The following ARL13A variants were observed in gnomAD, a reference collection of about 807,000 sequenced individuals.
ARL13A encodes ARF like GTPase 13A.
In ARL13A, 16 loss-of-function variants were observed where a neutral mutation model predicts 19.1. The ratio of observed to expected loss-of-function variants is 0.84; its 90% CI spans 0.57 to 1.27. ARL13A has a LOEUF of 1.27. Among genes scored for constraint, ARL13A ranks in the 50% most tolerant of loss-of-function variants. The pLI, the probability that ARL13A is intolerant of heterozygous loss-of-function variation, is 0.00. For synonymous variants in ARL13A, 69 were observed against 71.3 expected, an observed-to-expected ratio of 0.97 and a Z score of 0.17; for missense variants, 153 against 186.4, an observed-to-expected ratio of 0.82 and a Z score of 1.04.
At chrX:100,988,074 T>G (rs2085961211) in intron 6 of ARL13A, 119 bp from the exon 7 acceptor site, 1 of 526,284 alleles carries the variant, frequency 1.9e-6, no homozygotes, top group Non-Finnish European at 3.1e-6. Flanking sequence ...ATCCTCTTGC[T>G]CTGTTGTCAC....
At chrX:100,985,565 AG>A in intron 3 of ARL13A, 101 bp from the exon 4 acceptor site, 1 of 972,104 alleles carries the variant, frequency 1.0e-6, no homozygotes. Context: ...ACTTCCCAGC[AG>A]GATAGACAAC....
intron 7 of ARL13A, among the ~76,000 whole-genome samples, chrX:100,989,918 G>A (rs1489524660): frequency 8.9e-6 from 1 of 112,990 alleles, no homozygotes; most frequent in African/African-American, 3.2e-5. Flanking sequence ...AAGGGGTGAG[G>A]ATGAGAGCAG....
intron 3 of ARL13A, among the ~76,000 whole-genome samples, chrX:100,981,456 C>T (rs2085853413): frequency 9.1e-6 from 1 of 110,005 alleles, no homozygotes; most frequent in African/African-American, 3.3e-5. Context: ...AAGGGTGGTG[C>T]TGGTGATTCA....
At chrX:100,986,564 TG>T (rs1384272079) in intron 4 of ARL13A, among the ~76,000 whole-genome samples, 1 of 112,223 alleles carries the variant, frequency 8.9e-6, no homozygotes, top group Non-Finnish European at 1.9e-5. Context: ...AAATGAGCCC[TG>T]GGGGGACTAT....
chrX:100,978,033 T>C (rs1346203818), intron 3 of ARL13A, among the ~76,000 whole-genome samples: 1 of 112,129 alleles, frequency 8.9e-6, no homozygotes, highest in African/African-American at 3.2e-5. Flanking sequence ...AGCAGGTGGA[T>C]TGCTGCATCA....
At chrX:100,983,751 A>T (rs2085895399) in intron 3 of ARL13A, among the ~76,000 whole-genome samples, 1 of 112,035 alleles carries the variant, frequency 8.9e-6, no homozygotes, top group Non-Finnish European at 1.9e-5. Flanking sequence ...ATAATTTAAC[A>T]GTTCATTGCC....
chrX:100,973,775 C>T, intron 2 of ARL13A, 27 bp downstream of exon 2: 2 of 1,175,658 alleles, frequency 1.7e-6, no homozygotes, highest in Non-Finnish European at 1.2e-6. Context: ...TTCCCTAGGC[C>T]TATTCCACTA....
intron 7 of ARL13A, among the ~76,000 whole-genome samples, chrX:100,989,262 T>C (rs2085985668): frequency 9.0e-6 from 1 of 111,002 alleles, no homozygotes; most frequent in Admixed American, 9.7e-5. Flanking sequence ...TACTAGGTGG[T>C]TGTGAGATGT....
intron 3 of ARL13A, among the ~76,000 whole-genome samples, chrX:100,981,717 G>A (rs957384047): frequency 8.3e-5 from 9 of 108,654 alleles, no homozygotes; most frequent in Admixed American, 3.0e-4. Context: ...GCTAAGGTGG[G>A]AGGATCACTT....
chrX:100,988,851 CAT>C (rs55947893), intron 7 of ARL13A, among the ~76,000 whole-genome samples: 25,875 of 79,246 alleles, frequency 0.33, 3,395 homozygotes, highest in East Asian at 0.37. Context: ...TAATATATCT[CAT>C]ATATATATAT....
chrX:100,988,247 C>T lies in ARL13A; in HGVS notation c.708C>T (p.Cys236=). ...AGAAAAGACAGCATCTAGAACAATG[C>T]TCAATCGAAGCTAAGCCTCTAAAGT... The part of the protein sequence containing the change: ...SKEKRQHLEQ[C]SIEAKPLKSI... The change falls in exon 7 of 8, where the codon TGC becomes TGT. Residue 236 remains cysteine, a synonymous_variant. Transcript: ENST00000450049. 1 of 1,209,149 alleles carries T rather than the reference C, an allele frequency of 8.3e-7. No homozygotes were observed. Among genetic ancestry groups the T allele is most frequent in the Non-Finnish European group, 1.1e-6 (1 of 894,261 alleles).
At chrX:100,979,818 G>C (rs771826124) in intron 3 of ARL13A, among the ~76,000 whole-genome samples, 20 of 112,247 alleles carry the variant, frequency 1.8e-4, no homozygotes, top group African/African-American at 6.5e-4. Context: ...GACACCCTAA[G>C]CCTAGTAATG....
chrX:100,976,130 C>T (rs2085757698), intron 3 of ARL13A, among the ~76,000 whole-genome samples: 1 of 109,856 alleles, frequency 9.1e-6, no homozygotes, highest in Non-Finnish European at 1.9e-5. Context: ...CAGCAAAAAT[C>T]ACAAGATTAT....
At chrX:100,975,631 CT>C (rs375014043) in intron 3 of ARL13A, among the ~76,000 whole-genome samples, 11,742 of 97,798 alleles carry the variant, frequency 0.12, 1,135 homozygotes, top group African/African-American at 0.3. Context: ...ATTTTCTTTG[CT>C]TTTTTTTTTT....
Position 100,985,818 on chromosome X carries a change from C to T in ARL13A, c.282C>T (p.Phe94=), listed in dbSNP as rs199782602. The stretch of plus-strand genomic sequence containing the variant: ...ATGCACAGGCCCATGGGCTTGTTTT[C>T]GTCCTGGATTCCAGTGACATAAGAC... The part of the protein sequence containing the change: ...NYYAQAHGLV[F]VLDSSDIRRM... The change falls in exon 4 of 8, where the codon TTC becomes TTT. Residue 94 remains phenylalanine (F), a synonymous_variant. Coordinates refer to ENST00000450049, the MANE Select transcript of ARL13A (RefSeq NM_001162491.2). 6.6e-6 allele frequency: 8 copies of T among 1,209,692 alleles called. No individual in the cohort carries two copies. Among genetic ancestry groups the T allele is most frequent in the South Asian group, 1.8e-5 (1 of 56,732 alleles).
intron 3 of ARL13A, among the ~76,000 whole-genome samples, chrX:100,978,464 G>A (rs752516152): frequency 4.5e-5 from 5 of 111,166 alleles, no homozygotes; most frequent in East Asian, 2.8e-4. Flanking sequence ...GACATTCTTC[G>A]TCTCTTTTTA....
chrX:100,975,758 G>A (rs1397336430), intron 3 of ARL13A, among the ~76,000 whole-genome samples: 9 of 108,376 alleles, frequency 8.3e-5, no homozygotes, highest in East Asian at 2.9e-4. Flanking sequence ...TCAGCCTCCC[G>A]AGTAGCTGGG....
At chrX:100,973,399 C>A (rs866008925) in intron 1 of ARL13A, among the ~76,000 whole-genome samples, 2 of 102,805 alleles carry the variant, frequency 1.9e-5, no homozygotes, top group East Asian at 6.4e-4. Flanking sequence ...GGGGCCCGTC[C>A]GCTCCTCCAG....
intron 7 of ARL13A, 25 bp downstream of exon 7, chrX:100,988,308 A>G: frequency 8.3e-7 from 1 of 1,202,724 alleles, no homozygotes; most frequent in African/African-American, 1.7e-5. Flanking sequence ...AAATGTTAAT[A>G]TTCAGTGACC....
Sources: allele counts gnomAD v4.1 joint callset (sites outside exome capture counted in the v4.1 genomes callset), GRCh38; gene constraint gnomAD v4.1.1; transcripts MANE v1.5; gene names NCBI Gene and HGNC (gene_info 2026-07-23, HGNC 2026-07-21).